PTPRD: variants seen among roughly 807,000 people sequenced by gnomAD.
PTPRD encodes protein tyrosine phosphatase receptor type D, also known as receptor-type tyrosine-protein phosphatase delta.
PTPRD carries 34 observed loss-of-function variants against 214.5 expected under a neutral mutation model. The ratio of observed to expected loss-of-function variants is 0.16; its 90% confidence interval spans 0.12 to 0.21. The LOEUF (loss-of-function observed/expected upper bound fraction) is 0.21, where lower values mean the gene tolerates loss of function less well. PTPRD is among the 10% of genes least tolerant of loss of function. The pLI is 1.00. For synonymous variants in PTPRD, 1,128 were observed against 845.7 expected (o/e 1.33, Z -5.79); for missense variants, 2,545 against 2,398.7 (o/e 1.06, Z -1.27).
At chr9:8,908,277 C>T (rs1032802448) in intron 11 of PTPRD, among the ~76,000 whole-genome samples, 1 of 152,074 alleles carries the variant, frequency 6.6e-6, no homozygotes, top group Non-Finnish European at 1.5e-5. Context: ...AGCAGACTTG[C>T]ACTGTAAGAA....
chr9:8,567,808 C>T (rs1037882199), intron 14 of PTPRD, among the ~76,000 whole-genome samples: 19 of 152,082 alleles, frequency 1.2e-4, no homozygotes, highest in Admixed American at 5.9e-4. Flanking sequence ...ATATGATGAC[C>T]AAGCTAGGTT....
chr9:9,190,728 G>A (rs557243188), intron 9 of PTPRD, among the ~76,000 whole-genome samples: 4 of 152,170 alleles, frequency 2.6e-5, no homozygotes, highest in African/African-American at 9.6e-5. Flanking sequence ...CAGGTATTTT[G>A]TTACAGCAGC....
rs1446624036 is a variant in PTPRD, at chr9:10,036,576, T to TA, written c.-544-2787_-544-2786insT. ...ACAAACAGCACAAATACATTTTTTT[T>TA]TATTTTATTTCATTTTATTATATTT... is the stretch of plus-strand genomic sequence containing the variant. On this transcript the variant is annotated intron_variant, in intron 3 of 45. Transcript: ENST00000381196. 3.3e-4 allele frequency among the ~76,000 whole-genome samples: 49 copies of TA among 150,486 alleles called. 2 individuals are homozygous for TA. In the South Asian group the frequency reaches 5.7e-3, roughly 18 times the overall value.
At chr9:9,542,458 A>G (rs939029934) in intron 8 of PTPRD, among the ~76,000 whole-genome samples, 1 of 151,782 alleles carries the variant, frequency 6.6e-6, no homozygotes, top group African/African-American at 2.4e-5. Flanking sequence ...AAAAAGTTAT[A>G]TTGAATTTCA....
intron 2 of PTPRD, among the ~76,000 whole-genome samples, chr9:10,467,074 C>T (rs1335997): frequency 0.87 from 131,732 of 152,170 alleles, 57,124 homozygotes; most frequent in East Asian, 1. Context: ...CCTGTGACTA[C>T]CCTCACTCAG....
chr9:9,658,449 T>C (rs2096562122), intron 7 of PTPRD, among the ~76,000 whole-genome samples: 1 of 152,172 alleles, frequency 6.6e-6, no homozygotes, highest in Non-Finnish European at 1.5e-5. Context: ...AAAGGAAAGA[T>C]TTCCTTCTTT....
At chr9:10,452,981 C>A (rs1244256476) in intron 2 of PTPRD, among the ~76,000 whole-genome samples, 2 of 151,576 alleles carry the variant, frequency 1.3e-5, no homozygotes, top group Non-Finnish European at 3.0e-5. Flanking sequence ...GATCCTTAAT[C>A]CATTTTGAGT....
chr9:10,477,682 G>A (rs751281057), intron 2 of PTPRD, among the ~76,000 whole-genome samples: 5 of 151,978 alleles, frequency 3.3e-5, no homozygotes, highest in East Asian at 1.9e-4. Context: ...ACATGCACAC[G>A]TAGGTTATTG....
intron 7 of PTPRD, among the ~76,000 whole-genome samples, chr9:9,589,312 G>C (rs1024176980): frequency 1.3e-5 from 2 of 151,394 alleles, no homozygotes; most frequent in Non-Finnish European, 3.0e-5. Flanking sequence ...AGATGTTCTT[G>C]GTTGCAGCTA....
intron 8 of PTPRD, among the ~76,000 whole-genome samples, chr9:9,513,366 T>C (rs999550080): frequency 6.6e-6 from 1 of 152,032 alleles, no homozygotes; most frequent in African/African-American, 2.4e-5. Context: ...TACTTTCCTA[T>C]GTGTTATGAC....
intron 44 of PTPRD, among the ~76,000 whole-genome samples, chr9:8,328,674 G>A (rs1466404723): frequency 2.0e-5 from 3 of 151,580 alleles, no homozygotes; most frequent in Admixed American, 2.0e-4. Context: ...ACCAATCAAA[G>A]TAAATTTGGT....
chr9:10,133,030 C>A (rs1591989877), intron 3 of PTPRD, among the ~76,000 whole-genome samples: 1 of 152,158 alleles, frequency 6.6e-6, no homozygotes, highest in Non-Finnish European at 1.5e-5. Flanking sequence ...AGGAAGTCAA[C>A]TTCCATGGCA....
At chr9:8,497,395 A>T (rs1278575346) in intron 25 of PTPRD, 127 bp from the exon 26 acceptor site, 5 of 661,446 alleles carry the variant, frequency 7.6e-6, no homozygotes, top group South Asian at 6.1e-5. Context: ...TGTACAATAA[A>T]ATTCCAAAGA....
chr9:10,265,207 C>A (rs1276125630), intron 3 of PTPRD, among the ~76,000 whole-genome samples: 4 of 152,140 alleles, frequency 2.6e-5, no homozygotes, highest in African/African-American at 9.7e-5. Flanking sequence ...TTGAAAACTT[C>A]CTGCCTCCTG....
chr9:8,393,385 C>T (rs1261316004), intron 36 of PTPRD, among the ~76,000 whole-genome samples: 10 of 152,214 alleles, frequency 6.6e-5, no homozygotes, highest in Admixed American at 5.2e-4. Flanking sequence ...TCAAGGAGAC[C>T]TTCCTCCAAT....
At chr9:9,554,032 A>G (rs149487257) in intron 8 of PTPRD, among the ~76,000 whole-genome samples, 2,517 of 152,160 alleles carry the variant, frequency 0.017, 40 homozygotes, top group Admixed American at 0.026. Context: ...AATTGATGCC[A>G]TTTATGAACA....
intron 4 of PTPRD, among the ~76,000 whole-genome samples, chr9:9,990,312 C>T (rs1450416115): frequency 6.6e-6 from 1 of 152,226 alleles, no homozygotes; most frequent in African/African-American, 2.4e-5. Context: ...TGTTTTGCTG[C>T]AAACTACTGA....
At chr9:8,689,165 A>G (rs1482719633) in intron 12 of PTPRD, among the ~76,000 whole-genome samples, 1 of 152,234 alleles carries the variant, frequency 6.6e-6, no homozygotes, top group African/African-American at 2.4e-5. Flanking sequence ...TCTTGTTAAA[A>G]TACAGCAATA....
At chr9:9,987,845 C>A (rs539141168) in intron 4 of PTPRD, among the ~76,000 whole-genome samples, 2 of 152,192 alleles carry the variant, frequency 1.3e-5, no homozygotes, top group East Asian at 3.9e-4. Flanking sequence ...TGGATGAAGA[C>A]AACTAGTTCA....
Sources: gnomAD v4.1 joint callset for allele counts (sites outside exome capture counted in the v4.1 genomes callset) on GRCh38, gnomAD v4.1.1 for gene constraint, MANE v1.5 for transcripts, NCBI Gene and HGNC (gene_info 2026-07-23, HGNC 2026-07-21) for gene names.